MCTP1: variants seen among roughly 807,000 people sequenced by gnomAD.
MCTP1 encodes multiple C2 and transmembrane domain containing 1.
Under a neutral mutation model 120.6 loss-of-function variants are expected in MCTP1, and 69 were observed. The observed-to-expected ratio is 0.57, with a 90% confidence interval of 0.47 to 0.70. The LOEUF (loss-of-function observed/expected upper bound fraction) is 0.70. Among genes scored for constraint, MCTP1 ranks in the 30% least tolerant of loss-of-function variants. The pLI is 0.00. For synonymous variants in MCTP1, 529 were observed against 493.1 expected (o/e 1.07, Z -0.96); for missense variants, 1,203 against 1,248.8 (o/e 0.96, Z 0.55).
Position 94,921,050 on chromosome 5 carries a change from CT to C in MCTP1, c.1272+2911del, listed in dbSNP as rs1638296673. Among the ~76,000 whole-genome samples, 3 of 152,134 alleles carry C rather than the reference CT, an allele frequency of 2.0e-5. No individual in the cohort carries two copies. The South Asian group carries it at 6.2e-4, about 32-fold the overall frequency. ...TGTAAGGTGGTTTGCTCAATTAACT[CT>C]TTTATCAGGGTCTGTAAGTCCACTC... On this transcript the variant is annotated intron_variant, in intron 7 of 22. Transcript: ENST00000515393.
chr5:94,940,618 G>GTATATA (rs1273019362), intron 4 of MCTP1, among the ~76,000 whole-genome samples: 1 of 143,056 alleles, frequency 7.0e-6, no homozygotes, highest in East Asian at 2.0e-4. Flanking sequence ...ATATATATGT[G>GTATATA]TATATATATA....
rs57358026 is a variant in MCTP1 at position 94,952,171 on chromosome 5, C to CAAAAAAAAAAAAAAAAA, written c.981+1031_981+1047dup. Among the ~76,000 whole-genome samples, 118 of 87,862 alleles carry CAAAAAAAAAAAAAAAAA rather than the reference C, an allele frequency of 1.3e-3. 8 individuals carry two copies. Among genetic ancestry groups the CAAAAAAAAAAAAAAAAA allele is most frequent in the African/African-American group, 2.0e-3 (44 of 22,186 alleles). The allele number at this position is 87,862 out of a possible 152,430, so 57.6% of individuals were successfully genotyped here. A position where few individuals can be genotyped will look rare whatever the true frequency, so the allele number is the denominator to read the frequency against. Reference sequence around the variant, plus strand: ...TGGGTGACAGAATGAGACTTTGTCGCAAAAAAAAAAAAAAAAAAAAAAGCT... The same window carrying CAAAAAAAAAAAAAAAAA: ...TGGGTGACAGAATGAGACTTTGTCGCAAAAAAAAAAAAAAAAAAAAAAAAAAAAAAAAAAAAAAAGCT... On this transcript the variant is annotated intron_variant, in intron 3 of 22. Coordinates refer to ENST00000515393, the MANE Select transcript of MCTP1 (RefSeq NM_024717.7).
intron 1 of MCTP1, among the ~76,000 whole-genome samples, chr5:95,023,321 A>G (rs1838566467): frequency 6.6e-6 from 1 of 152,214 alleles, no homozygotes; most frequent in South Asian, 2.1e-4. Context: ...GGTTCTAGAA[A>G]TTATTTAAAA....
intron 17 of MCTP1, among the ~76,000 whole-genome samples, chr5:94,856,038 G>C (rs1794670066): frequency 6.6e-6 from 1 of 151,638 alleles, no homozygotes; most frequent in Admixed American, 6.6e-5. Flanking sequence ...AATACATTTA[G>C]GAACTGTACA....
chr5:95,044,576 G>A (rs1158556138), intron 1 of MCTP1, among the ~76,000 whole-genome samples: 3 of 152,032 alleles, frequency 2.0e-5, no homozygotes, highest in Non-Finnish European at 4.4e-5. Context: ...TGTCTCAGAG[G>A]CAACTTAAAT....
At chr5:94,785,757 TAA>T (rs1777538652) in intron 18 of MCTP1, among the ~76,000 whole-genome samples, 1 of 152,124 alleles carries the variant, frequency 6.6e-6, no homozygotes, top group Non-Finnish European at 1.5e-5. Context: ...AAATTGTTTT[TAA>T]GTGTCTAATA....
At chr5:94,783,953 T>C (rs1177606900) in intron 18 of MCTP1, among the ~76,000 whole-genome samples, 3 of 152,070 alleles carry the variant, frequency 2.0e-5, no homozygotes, top group Non-Finnish European at 2.9e-5. Context: ...TAAATGGATG[T>C]TTTGCTATGT....
intron 19 of MCTP1, among the ~76,000 whole-genome samples, chr5:94,735,121 G>A (rs1763929996): frequency 6.6e-6 from 1 of 152,092 alleles, no homozygotes; most frequent in African/African-American, 2.4e-5. Context: ...GGTACTTACT[G>A]CCAAATCGCC....
intron 1 of MCTP1, among the ~76,000 whole-genome samples, chr5:95,175,416 A>G (rs1465639641): frequency 6.6e-6 from 1 of 152,210 alleles, no homozygotes; most frequent in Non-Finnish European, 1.5e-5. Flanking sequence ...AGTGTGGCTG[A>G]CTGGCACCTG....
chr5:94,896,558 A>C (rs569308660), intron 10 of MCTP1, among the ~76,000 whole-genome samples: 1 of 152,212 alleles, frequency 6.6e-6, no homozygotes, highest in African/African-American at 2.4e-5. Flanking sequence ...GATCATATAG[A>C]TGCTGGTTCC....
chr5:95,208,806 C>A (rs930577560), intron 1 of MCTP1, among the ~76,000 whole-genome samples: 2 of 151,974 alleles, frequency 1.3e-5, no homozygotes, highest in African/African-American at 2.4e-5. Flanking sequence ...TCTTGCTTAT[C>A]TAGAAATCAC....
intron 19 of MCTP1, among the ~76,000 whole-genome samples, chr5:94,746,103 AC>A (rs1766835097): frequency 6.6e-6 from 1 of 152,208 alleles, no homozygotes; most frequent in Non-Finnish European, 1.5e-5. Flanking sequence ...TTTGGCCAGA[AC>A]TATATTAAAG....
rs1482092580 is a variant in MCTP1, at chr5:94,909,245, A to G, written c.1652+6T>C. ...GAGTGAACCAAAAATTACAAATTGC[A>G]CAAACCTGCCAATGAAATCATCCCT... On this transcript the variant is annotated splice_donor_region_variant and intron_variant, in intron 10 of 22. Coordinates refer to ENST00000515393, the MANE Select transcript of MCTP1 (RefSeq NM_024717.7). 14 of 1,612,154 alleles carry G rather than the reference A, an allele frequency of 8.7e-6. No individual in the cohort carries two copies. Among genetic ancestry groups the G allele is most frequent in the Non-Finnish European group, 1.2e-5 (14 of 1,179,010 alleles).
chr5:95,180,003 T>C (rs1748429330), intron 1 of MCTP1, among the ~76,000 whole-genome samples: 1 of 151,984 alleles, frequency 6.6e-6, no homozygotes, highest in Non-Finnish European at 1.5e-5. Context: ...TATTCCTATA[T>C]CAGAATAAAA....
intron 2 of MCTP1, among the ~76,000 whole-genome samples, chr5:94,970,573 G>A (rs576294223): frequency 6.6e-6 from 1 of 151,994 alleles, no homozygotes; most frequent in South Asian, 2.1e-4. Context: ...TTTTTCCAAA[G>A]GGCCTTACTC....
intron 7 of MCTP1, among the ~76,000 whole-genome samples, chr5:94,921,107 T>C (rs969471767): frequency 1.5e-4 from 23 of 152,222 alleles, no homozygotes; most frequent in African/African-American, 5.5e-4. Flanking sequence ...AACTTAAGCA[T>C]GCTAAATATT....
intron 19 of MCTP1, among the ~76,000 whole-genome samples, chr5:94,745,332 G>T (rs1385163732): frequency 6.6e-6 from 1 of 152,204 alleles, no homozygotes; most frequent in Non-Finnish European, 1.5e-5. Context: ...TGTGAGGAGG[G>T]ATAAAGGAGC....
chr5:94,861,684 A>C (rs898404512), intron 17 of MCTP1, among the ~76,000 whole-genome samples: 3 of 151,842 alleles, frequency 2.0e-5, no homozygotes, highest in African/African-American at 7.2e-5. Context: ...TTACGATTGA[A>C]ATCACAATTG....
At chr5:95,058,251 T>C (rs183840728) in intron 1 of MCTP1, among the ~76,000 whole-genome samples, 58 of 152,364 alleles carry the variant, frequency 3.8e-4, no homozygotes, top group African/African-American at 1.3e-3. Context: ...TATTACAATG[T>C]TAAAGAAGAA....
Sources: gnomAD v4.1 joint callset for allele counts (sites outside exome capture counted in the v4.1 genomes callset) on GRCh38, gnomAD v4.1.1 for gene constraint, MANE v1.5 for transcripts, NCBI Gene and HGNC (gene_info 2026-07-23, HGNC 2026-07-21) for gene names.